The following AGAP1 variants were observed in gnomAD, a reference collection of about 807,000 sequenced individuals.
AGAP1 encodes the protein arf-GAP with GTPase, ANK repeat and PH domain-containing protein 1.
AGAP1 carries 29 observed loss-of-function variants against 105.3 expected under a neutral mutation model. The observed-to-expected ratio is 0.28, with a 90% CI of 0.21 to 0.38. The LOEUF is 0.38. AGAP1 is among the 10% of genes least tolerant of loss of function. The probability of loss-of-function intolerance (pLI) is 1.00; values close to 1 mark genes in which losing one functional copy is unlikely to be tolerated. For synonymous variants in AGAP1, 509 were observed against 485.9 expected (o/e 1.05, Z -0.63); for missense variants, 998 against 1,165.1 (o/e 0.86, Z 2.09).
intron 8 of AGAP1, among the ~76,000 whole-genome samples, chr2:235,804,161 G>A (rs1332691242): frequency 1.3e-5 from 2 of 152,138 alleles, no homozygotes; most frequent in African/African-American, 4.8e-5. Flanking sequence ...GTCTGCCTAG[G>A]GATCAGCATT....
intron 1 of AGAP1, among the ~76,000 whole-genome samples, chr2:235,607,990 T>C (rs1946002478): frequency 6.6e-6 from 1 of 152,236 alleles, no homozygotes; most frequent in South Asian, 2.1e-4. Context: ...GTGCCTCAAG[T>C]GAGCGAGTGC....
In AGAP1 at chr2:235,577,061, C is replaced by G. The variant is rs1559262009; in HGVS notation, c.163+82212C>G. 6.6e-6 allele frequency among the ~76,000 whole-genome samples: 1 copy of G among 152,184 alleles called. No individual in the cohort carries two copies. Among genetic ancestry groups the G allele is most frequent in the Non-Finnish European group, 1.5e-5 (1 of 68,044 alleles). Reference sequence around the variant, plus strand: ...CACCAAGAAAAGCATTTCTGTTGTCCTGAAATATCAGGCCTTCCTGAACCC... The same window carrying G: ...CACCAAGAAAAGCATTTCTGTTGTCGTGAAATATCAGGCCTTCCTGAACCC... On this transcript the variant is annotated intron_variant, in intron 1 of 17. Transcript: ENST00000304032. The surrounding 1 kb of genome is among the most constrained non-coding windows in gnomAD (Gnocchi z 4.5).
intron 6 of AGAP1, among the ~76,000 whole-genome samples, chr2:235,763,180 T>A (rs1286920146): frequency 6.6e-6 from 1 of 152,022 alleles, no homozygotes; most frequent in African/African-American, 2.4e-5. Context: ...ATCCAAATCT[T>A]AAACTGGAAA....
rs558074390 is a variant in AGAP1 at position 235,607,525 on chromosome 2, G to A, written c.164-101654G>A. Among the ~76,000 whole-genome samples, 6 of 152,374 alleles carry A rather than the reference G, an allele frequency of 3.9e-5. 1 individual carries two copies. The South Asian group carries it at 8.3e-4, about 21-fold the overall frequency. On this transcript the variant is annotated intron_variant, in intron 1 of 17. Transcript: ENST00000304032. ...GAGCCCGTTGGCCTGGGTGGAGCCC[G>A]TTGGCCTGGGTGTCCACTGTCAGAG... is the stretch of plus-strand genomic sequence containing the variant.
chr2:236,096,488 G>A lies in AGAP1; in HGVS notation c.2115-23704G>A, dbSNP rs2059194299. On this transcript the variant is annotated intron_variant, in intron 16 of 17. Transcript: ENST00000304032. This position sits in a 1 kb window ranked among gnomAD's most constrained non-coding sequence, Gnocchi z 4.4. ...TGCACTCCAGCCTTGGGGACAGAGT[G>A]AGCCTCCATCTCAAAAAAAAAAAAG... Among the ~76,000 whole-genome samples, 1 of 150,508 alleles carries A rather than the reference G, an allele frequency of 6.6e-6. No individual in the cohort carries two copies. The highest frequency in any genetic ancestry group is 2.4e-5 in the African/African-American group (1 of 40,898).
chr2:235,747,122 A>T lies in AGAP1; in HGVS notation c.538+2283A>T, dbSNP rs1230674087. Among the ~76,000 whole-genome samples, 2 of 151,978 alleles carry T rather than the reference A, an allele frequency of 1.3e-5. No individual in the cohort carries two copies. Among genetic ancestry groups the T allele is most frequent in the Non-Finnish European group, 2.9e-5 (2 of 68,004 alleles). Reference sequence around the variant, plus strand: ...TTTGTTCCTCATATTTCAATCTGCGACCAGTGTTCCAGGGTCCTGCCTGGA... The same window carrying T: ...TTTGTTCCTCATATTTCAATCTGCGTCCAGTGTTCCAGGGTCCTGCCTGGA... On this transcript the variant is annotated intron_variant, in intron 5 of 17. Transcript: ENST00000304032. The surrounding 1 kb of genome is among the most constrained non-coding windows in gnomAD (Gnocchi z 5.0).
rs2054628123 is a variant in AGAP1 at position 235,971,221 on chromosome 2, A to C, written c.1645+2598A>C. 6.6e-6 allele frequency among the ~76,000 whole-genome samples: 1 copy of C among 152,220 alleles called. No homozygotes were observed. The highest frequency in any genetic ancestry group is 2.4e-5 in the African/African-American group (1 of 41,460). On this transcript the variant is annotated intron_variant, in intron 13 of 17. Transcript: ENST00000304032. The surrounding 1 kb of genome is among the most constrained non-coding windows in gnomAD (Gnocchi z 4.8). ...TTCCCTAGGAAAAGTTACTTATCAG[A>C]CTACAAATGAGTCACTTTTGTGAAA...
intron 6 of AGAP1, among the ~76,000 whole-genome samples, chr2:235,778,309 T>C (rs1956035372): frequency 6.6e-6 from 1 of 152,230 alleles, no homozygotes; most frequent in Non-Finnish European, 1.5e-5. Flanking sequence ...ACTTTGGGTA[T>C]CCACCCATTT....
intron 16 of AGAP1, among the ~76,000 whole-genome samples, chr2:236,054,162 T>G (rs1041733334): frequency 3.3e-5 from 5 of 152,168 alleles, no homozygotes; most frequent in African/African-American, 1.2e-4. Context: ...CATGGAGATA[T>G]TGATAAAGGG....
chr2:235,516,438 G>GTA (rs1321548371), intron 1 of AGAP1, among the ~76,000 whole-genome samples: 2 of 152,126 alleles, frequency 1.3e-5, no homozygotes, highest in East Asian at 3.9e-4. Context: ...TCATGTCTAA[G>GTA]AAGAGTCCTC....
Position 235,777,446 on chromosome 2 carries a change from G to T in AGAP1, c.674-20313G>T, listed in dbSNP as rs762238308. Among the ~76,000 whole-genome samples the T allele has an allele frequency of 6.6e-6, 1 of 152,220 alleles. No individual in the cohort carries two copies. Among genetic ancestry groups the T allele is most frequent in the Admixed American group, 6.5e-5 (1 of 15,288 alleles). On this transcript the variant is annotated intron_variant, in intron 6 of 17. Coordinates refer to ENST00000304032, the MANE Select transcript of AGAP1 (RefSeq NM_001037131.3). This position sits in a 1 kb window ranked among gnomAD's most constrained non-coding sequence, Gnocchi z 5.1. ...GAAGAATTACAGGTGTGAAGCGCCC[G>T]TGTGGGGCTGATTCCCACCTGCCTC...
chr2:235,883,356 G>T lies in AGAP1; in HGVS notation c.1062G>T (p.Leu354Phe). 6.2e-7 allele frequency: 1 copy of T among 1,613,980 alleles called. No individual in the cohort carries two copies. The highest frequency in any genetic ancestry group is 8.5e-7 in the Non-Finnish European group (1 of 1,179,968). The change falls in exon 10 of 18, where the codon TTG becomes TTT. Residue 354 changes from leucine to phenylalanine, a missense_variant. This residue lies in a region of AGAP1 where 735 missense variants were observed against 833.4 expected (regional missense o/e 0.88). Transcript: ENST00000304032. This position sits in a 1 kb window ranked among gnomAD's most constrained non-coding sequence, Gnocchi z 4.5. The part of the protein sequence containing the change: ...RAIPIKQGML[L>F]KRSGKSLNKE... ...TTTTTCCCTTGTAGGGCATGCTGTT[G>T]AAGCGAAGTGGCAAATCGTTGAATA...
Position 236,104,913 on chromosome 2 carries a change from A to AT in AGAP1, c.2115-15279_2115-15278insT, listed in dbSNP as rs776574842. On this transcript the variant is annotated intron_variant, in intron 16 of 17. Coordinates refer to ENST00000304032, the MANE Select transcript of AGAP1 (RefSeq NM_001037131.3). The surrounding 1 kb of genome is among the most constrained non-coding windows in gnomAD (Gnocchi z 4.7). ...AGACTCTGTCTCAAGGAAAAAAAAA[A>AT]GGACTAGCGTGCACAGAGCCCTCGA... Among the ~76,000 whole-genome samples, 2 of 152,122 alleles carry AT rather than the reference A, an allele frequency of 1.3e-5. No individual in the cohort carries two copies. The highest frequency in any genetic ancestry group is 3.9e-4 in the East Asian group (2 of 5,146).
At chr2:235,513,568 C>T in intron 1 of AGAP1, among the ~76,000 whole-genome samples, 1 of 151,098 alleles carries the variant, frequency 6.6e-6, no homozygotes, top group Non-Finnish European at 1.5e-5. Flanking sequence ...TCACTGGGCT[C>T]CACCCCCAGA....
intron 1 of AGAP1, among the ~76,000 whole-genome samples, chr2:235,629,615 T>A (rs1266817630): frequency 6.6e-6 from 1 of 151,522 alleles, no homozygotes; most frequent in Admixed American, 6.6e-5. Flanking sequence ...ATACCTGTAA[T>A]CCCAGCACTT....
chr2:236,111,879 G>A (rs896759708), intron 16 of AGAP1, among the ~76,000 whole-genome samples: 3 of 152,074 alleles, frequency 2.0e-5, no homozygotes, highest in South Asian at 4.1e-4. Context: ...GCATCCCCCA[G>A]TCACTTGAGG....
intron 9 of AGAP1, among the ~76,000 whole-genome samples, chr2:235,853,831 G>A (rs1451015377): frequency 6.6e-6 from 1 of 152,002 alleles, no homozygotes; most frequent in Non-Finnish European, 1.5e-5. Flanking sequence ...GCTTGTTTTG[G>A]TTTTAAGTGT....
chr2:236,110,519 C>T (rs377017943), intron 16 of AGAP1, among the ~76,000 whole-genome samples: 14 of 151,858 alleles, frequency 9.2e-5, no homozygotes, highest in African/African-American at 2.7e-4. Flanking sequence ...GCTATGATTG[C>T]GCCACTGCAC....
Position 235,843,449 on chromosome 2 carries a change from G to A in AGAP1, c.1050+36118G>A, listed in dbSNP as rs1007002009. On this transcript the variant is annotated intron_variant, in intron 9 of 17. Coordinates refer to ENST00000304032, the MANE Select transcript of AGAP1 (RefSeq NM_001037131.3). The surrounding 1 kb of genome is among the most constrained non-coding windows in gnomAD (Gnocchi z 5.9). ...TGGGCCCCACTTTCTTCCTGGAAAG[G>A]TATTTTCTGGGGCCAGGGAGCAATG... is the stretch of plus-strand genomic sequence containing the variant. 3.3e-5 allele frequency among the ~76,000 whole-genome samples: 5 copies of A among 152,064 alleles called. No individual in the cohort carries two copies. The highest frequency in any genetic ancestry group is 5.9e-5 in the Non-Finnish European group (4 of 68,010).
Sources: allele counts gnomAD v4.1 joint callset (sites outside exome capture counted in the v4.1 genomes callset), GRCh38; gene constraint gnomAD v4.1.1; regional missense constraint gnomAD v4.1.1; non-coding constraint Gnocchi (gnomAD v3.1); transcripts MANE v1.5; gene names NCBI Gene and HGNC (gene_info 2026-07-23, HGNC 2026-07-21).